The following PLCH1 variants were observed in gnomAD, a reference collection of about 807,000 sequenced individuals.
PLCH1 encodes 1-phosphatidylinositol 4,5-bisphosphate phosphodiesterase eta-1.
A neutral mutation model predicts 126.7 loss-of-function variants in PLCH1; 60 were observed. That is an observed-to-expected ratio of 0.47 (90% confidence interval 0.38 to 0.59). PLCH1 has a LOEUF of 0.59. Among genes scored for constraint, PLCH1 ranks in the 20% least tolerant of loss-of-function variants. The probability of loss-of-function intolerance (pLI) is 0.00; values close to 1 mark genes in which losing one functional copy is unlikely to be tolerated. For missense variants in PLCH1, 1,723 were observed against 2,040.0 expected (o/e 0.84, Z 2.99); for synonymous variants, 719 against 734.9 (o/e 0.98, Z 0.35).
rs10548265 is a variant in PLCH1, at chr3:155,627,474, CA to C, written c.80-31097del. Among the ~76,000 whole-genome samples the C allele has an allele frequency of 4.8e-3, 715 of 150,192 alleles. 1 individual carries two copies. The highest frequency in any genetic ancestry group is 0.013 in the East Asian group (64 of 5,050). On this transcript the variant is annotated intron_variant, in intron 2 of 22. Coordinates refer to ENST00000460012, the MANE Select transcript of PLCH1 (RefSeq NM_014996.4). ...TGAAACCCCGTCTCTACCAAAAATA[CA>C]AAAAAAAAATTAGCCCGGCGTGGTG...
intron 2 of PLCH1, among the ~76,000 whole-genome samples, chr3:155,667,584 A>G (rs866344693): frequency 1.5e-4 from 23 of 152,282 alleles, no homozygotes; most frequent in Middle Eastern, 3.4e-3. Flanking sequence ...AAAATGAAAA[A>G]TAATAACTAG....
In PLCH1 at chr3:155,482,351, G is replaced by T; in HGVS notation, c.3675C>A (p.Gly1225=). 6.2e-7 allele frequency: 1 copy of T among 1,614,150 alleles called. No homozygotes were observed. The highest frequency in any genetic ancestry group is 8.5e-7 in the Non-Finnish European group (1 of 1,180,024). ...MSGHCPLPSL[G]LKMPIKHGFC... ...AACCATGCTTGATGGGCATTTTTAG[G>T]CCCAGGCTAGGCAAGGGACAATGGC... Residue 1225 remains glycine (G), a synonymous_variant, in exon 23 of 23, where the codon GGC becomes GGA. Transcript: ENST00000460012.
chr3:155,575,308 T>C (rs1325190210), intron 6 of PLCH1, among the ~76,000 whole-genome samples: 2 of 152,082 alleles, frequency 1.3e-5, no homozygotes, highest in East Asian at 3.9e-4. Context: ...TTAGAATGAT[T>C]AGAATGACCA....
At chr3:155,594,480 G>A (rs939766228) in intron 3 of PLCH1, among the ~76,000 whole-genome samples, 2 of 152,100 alleles carry the variant, frequency 1.3e-5, no homozygotes, top group African/African-American at 4.8e-5. Flanking sequence ...GGCTGAGGCA[G>A]GAGAATTGCT....
At chr3:155,737,231 C>CAAA (rs557369057) in intron 1 of PLCH1, among the ~76,000 whole-genome samples, 7,425 of 59,338 alleles carry the variant, frequency 0.13, 958 homozygotes, top group South Asian at 0.2. Flanking sequence ...GCCTCCGTCT[C>CAAA]AAAAAAAAAA....
At position 155,481,269 on chromosome 3, in the gene PLCH1, T is replaced by C; in HGVS notation, c.4757A>G (p.Lys1586Arg). Residue 1586 changes from lysine (K) to arginine (R), a missense_variant, in exon 23 of 23, where the codon AAG becomes AGG. This residue lies in a region of PLCH1 where 947 missense variants were observed against 977.1 expected (regional missense o/e 0.97). Coordinates refer to ENST00000460012, the MANE Select transcript of PLCH1 (RefSeq NM_014996.4). The surrounding 1 kb of genome is among the most constrained non-coding windows in gnomAD (Gnocchi z 4.2). ...SRVRNIASRA[K>R]EKQEANKQKV... ...CTGCTTGTTGGCTTCCTGTTTCTCC[T>C]TGGCACGACTAGCAATATTGCGCAC... 1 of 1,614,200 alleles carries C rather than the reference T, an allele frequency of 6.2e-7. No individual in the cohort carries two copies. The highest frequency in any genetic ancestry group is 1.1e-5 in the South Asian group (1 of 91,084).
chr3:155,515,697 T>C (rs529055301), intron 11 of PLCH1, among the ~76,000 whole-genome samples: 141 of 152,354 alleles, frequency 9.3e-4, no homozygotes, highest in African/African-American at 3.3e-3. Context: ...TTGAAACCAA[T>C]GGCCCCAGCC....
intron 12 of PLCH1, 89 bp from the exon 13 acceptor site, chr3:155,504,715 TTTCTC>T: frequency 1.2e-6 from 1 of 829,220 alleles, no homozygotes; most frequent in Non-Finnish European, 2.0e-6. Flanking sequence ...GGGGCCCTCT[TTTCTC>T]TTCTGTTTGC....
At chr3:155,585,948 A>G (rs529749909) in intron 5 of PLCH1, 117 bp downstream of exon 5, 5 of 689,952 alleles carry the variant, frequency 7.2e-6, no homozygotes, top group African/African-American at 1.8e-5. Context: ...GAAAAATAAA[A>G]CAGTACAGAG....
intron 2 of PLCH1, among the ~76,000 whole-genome samples, chr3:155,633,945 G>A (rs533984834): frequency 2.8e-4 from 42 of 152,192 alleles, no homozygotes; most frequent in African/African-American, 1.0e-3. Context: ...ACTCCATGGT[G>A]AAGCATTCCT....
intron 13 of PLCH1, among the ~76,000 whole-genome samples, chr3:155,504,173 A>C (rs949857148): frequency 6.6e-6 from 1 of 152,196 alleles, no homozygotes; most frequent in African/African-American, 2.4e-5. Flanking sequence ...TCTTTTAGAA[A>C]TTAAGTTGCC....
chr3:155,666,866 A>G (rs1742776219), intron 2 of PLCH1, among the ~76,000 whole-genome samples: 1 of 151,920 alleles, frequency 6.6e-6, no homozygotes, highest in African/African-American at 2.4e-5. Context: ...CAAACCTGAG[A>G]AAAAGGAAAT....
Position 155,524,021 on chromosome 3 carries a change from C to T in PLCH1, c.1363-17G>A, listed in dbSNP as rs763801655. On this transcript the variant is annotated splice_polypyrimidine_tract_variant and intron_variant, in intron 10 of 22. Coordinates refer to ENST00000460012, the MANE Select transcript of PLCH1 (RefSeq NM_014996.4). ...CTTCTTACCCTGAAATGGAACAAAA[C>T]ATCCCATTTAAAAATGAGAATAAAT... is the stretch of plus-strand genomic sequence containing the variant. 1.4e-6 allele frequency: 2 copies of T among 1,386,602 alleles called. No individual in the cohort carries two copies. Among genetic ancestry groups the T allele is most frequent in the South Asian group, 1.2e-5 (1 of 83,158 alleles). The allele number at this position is 1,386,602 out of a possible 1,614,324, so 85.9% of individuals were successfully genotyped here.
At chr3:155,486,523 T>G (rs575062092) in intron 21 of PLCH1, among the ~76,000 whole-genome samples, 10 of 146,442 alleles carry the variant, frequency 6.8e-5, no homozygotes, top group South Asian at 4.4e-4. Flanking sequence ...GTTTTTTTTT[T>G]TTTTTTTTTT....
chr3:155,466,985 C>A (rs187792347), intron 21 of PLCH1, among the ~76,000 whole-genome samples: 1 of 152,010 alleles, frequency 6.6e-6, no homozygotes, highest in East Asian at 1.9e-4. Context: ...TGAAGAATGC[C>A]TACAGGATCT....
chr3:155,712,739 CTAAA>C (rs143995774), intron 1 of PLCH1, among the ~76,000 whole-genome samples: 2,104 of 149,568 alleles, frequency 0.014, 26 homozygotes, highest in African/African-American at 0.034. Context: ...TACTCTGTCA[CTAAA>C]TAAATAAATA....
intron 4 of PLCH1, among the ~76,000 whole-genome samples, chr3:155,591,596 T>C (rs1476228883): frequency 1.3e-5 from 2 of 152,266 alleles, no homozygotes; most frequent in African/African-American, 4.8e-5. Context: ...AAAATACTTG[T>C]TATAAAAATA....
chr3:155,564,866 A>G (rs776141631), intron 8 of PLCH1, 49 bp downstream of exon 8: 1 of 1,207,482 alleles, frequency 8.3e-7, no homozygotes, highest in South Asian at 1.2e-5. Flanking sequence ...AGACTGATTA[A>G]AGGACAGGGT....
intron 2 of PLCH1, among the ~76,000 whole-genome samples, chr3:155,620,437 T>C (rs1013010093): frequency 6.6e-5 from 10 of 152,090 alleles, no homozygotes; most frequent in African/African-American, 2.4e-4. Flanking sequence ...ATGGGAAGTG[T>C]ACAATAATTG....
Sources: allele counts gnomAD v4.1 joint callset (sites outside exome capture counted in the v4.1 genomes callset), GRCh38; gene constraint gnomAD v4.1.1; regional missense constraint gnomAD v4.1.1; non-coding constraint Gnocchi (gnomAD v3.1); transcripts MANE v1.5; gene names NCBI Gene and HGNC (gene_info 2026-07-23, HGNC 2026-07-21).